The following DAB1 variants were observed in gnomAD, a reference collection of about 807,000 sequenced individuals.
The protein encoded by DAB1 is disabled homolog 1.
DAB1 carries 15 observed loss-of-function variants against 64.6 expected under a neutral mutation model. The observed-to-expected ratio is 0.23, with a 90% CI of 0.16 to 0.36. The LOEUF (loss-of-function observed/expected upper bound fraction) is 0.36, where lower values mean the gene tolerates loss of function less well. Among genes scored for constraint, DAB1 ranks in the 10% least tolerant of loss-of-function variants. The pLI, the probability that DAB1 is intolerant of heterozygous loss-of-function variation, is 1.00. For synonymous variants in DAB1, 235 were observed against 251.9 expected, an observed-to-expected ratio of 0.93 and a Z score of 0.64; for missense variants, 596 against 706.7, an observed-to-expected ratio of 0.84 and a Z score of 1.78.
intron 7 of DAB1, among the ~76,000 whole-genome samples, chr1:57,472,003 G>A (rs917198023): frequency 6.6e-6 from 1 of 152,200 alleles, no homozygotes; most frequent in Admixed American, 6.5e-5. Flanking sequence ...TACAGGAGGG[G>A]AGAAAGAATG....
At chr1:57,766,285 A>C (rs561172272) in intron 6 of DAB1, among the ~76,000 whole-genome samples, 1 of 151,344 alleles carries the variant, frequency 6.6e-6, no homozygotes, top group Admixed American at 6.6e-5. Flanking sequence ...AAAAAAACCC[A>C]AAAAACAAAA....
At chr1:58,450,589 C>T (rs1645123442) in intron 3 of DAB1, among the ~76,000 whole-genome samples, 1 of 152,090 alleles carries the variant, frequency 6.6e-6, no homozygotes, top group African/African-American at 2.4e-5. Context: ...CCCATCTCTA[C>T]TAAAAACACA....
At chr1:58,024,487 T>C (rs962459739) in intron 5 of DAB1, among the ~76,000 whole-genome samples, 15 of 152,238 alleles carry the variant, frequency 9.9e-5, no homozygotes, top group African/African-American at 1.4e-4. Context: ...CAAACAACTA[T>C]GCTAACATGC....
At chr1:58,388,758 A>G (rs1252493430) in intron 3 of DAB1, among the ~76,000 whole-genome samples, 1 of 152,242 alleles carries the variant, frequency 6.6e-6, no homozygotes, top group African/African-American at 2.4e-5. Context: ...GTGCATTCTC[A>G]GGCTCTTTAC....
At chr1:57,275,529 A>G (rs553023457) in intron 2 of DAB1, among the ~76,000 whole-genome samples, 3 of 152,052 alleles carry the variant, frequency 2.0e-5, no homozygotes, top group African/African-American at 7.2e-5. Context: ...TCAGCTAAAA[A>G]CCCCTAAAGT....
At chr1:58,091,142 A>T (rs1275924943) in intron 5 of DAB1, among the ~76,000 whole-genome samples, 2 of 152,134 alleles carry the variant, frequency 1.3e-5, no homozygotes, top group Non-Finnish European at 2.9e-5. Context: ...GGAGTTTCTA[A>T]ATTCGGAGTG....
At chr1:57,620,025 C>T (rs1017423146) in intron 7 of DAB1, among the ~76,000 whole-genome samples, 16 of 152,150 alleles carry the variant, frequency 1.1e-4, no homozygotes, top group Non-Finnish European at 2.2e-4. Context: ...CCAGAATCCT[C>T]GCCTTTACTG....
intron 4 of DAB1, among the ~76,000 whole-genome samples, chr1:58,283,096 A>G (rs1661601989): frequency 6.6e-6 from 1 of 151,908 alleles, no homozygotes; most frequent in Non-Finnish European, 1.5e-5. Flanking sequence ...ATTCAGACAT[A>G]CAGCCTTGCT....
At chr1:57,527,379 A>C (rs2101403132) in intron 7 of DAB1, among the ~76,000 whole-genome samples, 1 of 152,260 alleles carries the variant, frequency 6.6e-6, no homozygotes, top group African/African-American at 2.4e-5. Context: ...ATCTTCATGC[A>C]CCAGGTACTG....
chr1:57,935,122 G>T lies in DAB1; in HGVS notation n.388-50960C>A, dbSNP rs965589294. ...TAACGCCTGCCACAGAGGATAATTA[G>T]TGAGGAAACCTGGCACTTGTAACAT... On this transcript the variant is annotated intron_variant and non_coding_transcript_variant, in intron 5 of 20. Transcript: ENST00000485760. Among the ~76,000 whole-genome samples the T allele has an allele frequency of 5.3e-5, 8 of 152,340 alleles. No homozygotes were observed. In the East Asian group the frequency reaches 1.5e-3, roughly 29 times the overall value.
intron 5 of DAB1, among the ~76,000 whole-genome samples, chr1:58,120,867 G>A (rs1309895846): frequency 1.3e-5 from 2 of 152,284 alleles, no homozygotes; most frequent in Admixed American, 6.5e-5. Flanking sequence ...GGAGCCAGGC[G>A]AAGGTGGCCT....
intron 4 of DAB1, among the ~76,000 whole-genome samples, chr1:58,262,571 G>A (rs528626759): frequency 6.6e-5 from 10 of 152,118 alleles, no homozygotes; most frequent in South Asian, 2.1e-4. Context: ...GTGACAGGGC[G>A]AGACTGCATC....
chr1:57,566,648 C>T (rs1356104385), intron 7 of DAB1, among the ~76,000 whole-genome samples: 1 of 152,132 alleles, frequency 6.6e-6, no homozygotes, highest in East Asian at 1.9e-4. Context: ...CTATAAACAC[C>T]TAAACACAAA....
chr1:57,966,959 T>G lies in DAB1; in HGVS notation n.388-82797A>C, dbSNP rs181590011. 6.6e-5 allele frequency among the ~76,000 whole-genome samples: 10 copies of G among 152,362 alleles called. No homozygotes were observed. In the East Asian group the frequency reaches 1.7e-3, roughly 26 times the overall value. On this transcript the variant is annotated intron_variant and non_coding_transcript_variant, in intron 5 of 20. Coordinates refer to the DAB1 transcript ENST00000485760. The stretch of plus-strand genomic sequence containing the variant: ...ACCTGTAGTTTACACTACTGGTTTT[T>G]AGTTTACACTTAAAATTTAAGAGGG...
At position 57,897,806 on chromosome 1, in the gene DAB1, G is replaced by A. The variant is rs1379568505; in HGVS notation, n.388-13644C>T. On this transcript the variant is annotated intron_variant and non_coding_transcript_variant, in intron 5 of 20. Transcript: ENST00000485760. ...GTGCAACCACTTCATGTTACAGATG[G>A]GAAAGCTTAGACCCAGCTGGGGAAG... Among the ~76,000 whole-genome samples the A allele has an allele frequency of 2.6e-5, 4 of 152,156 alleles. No individual in the cohort carries two copies. The South Asian group carries it at 8.3e-4, about 32-fold the overall frequency.
intron 4 of DAB1, among the ~76,000 whole-genome samples, chr1:58,205,970 AT>A (rs541594147): frequency 2.0e-4 from 31 of 151,476 alleles, no homozygotes; most frequent in African/African-American, 3.9e-4. Flanking sequence ...CCAGCTGAGT[AT>A]TTTTTTTTAA....
chr1:58,455,409 C>T (rs1039647509), intron 3 of DAB1, among the ~76,000 whole-genome samples: 12 of 152,350 alleles, frequency 7.9e-5, no homozygotes, highest in African/African-American at 2.9e-4. Flanking sequence ...CGCGGACAGG[C>T]GCAATGCGCT....
At chr1:57,144,681 G>A (rs1658938934) in intron 3 of DAB1, among the ~76,000 whole-genome samples, 1 of 147,680 alleles carries the variant, frequency 6.8e-6, no homozygotes, top group South Asian at 2.1e-4. Flanking sequence ...GCGATAGAGT[G>A]AGACTCCTTC....
chr1:57,887,044 G>A (rs1202828), upstream of DAB1, among the ~76,000 whole-genome samples: 27,398 of 151,926 alleles, frequency 0.18, 2,797 homozygotes, highest in Admixed American at 0.28. Flanking sequence ...TTACATATCC[G>A]ATTCCCTCTG....
Sources: allele counts gnomAD v4.1 joint callset (sites outside exome capture counted in the v4.1 genomes callset), GRCh38; gene constraint gnomAD v4.1.1; transcripts MANE v1.5; gene names NCBI Gene and HGNC (gene_info 2026-07-23, HGNC 2026-07-21).